Variants in SEMA3A observed in about 807,000 individuals in gnomAD.
The protein encoded by SEMA3A is semaphorin 3A.
Under a neutral mutation model 97.9 loss-of-function variants are expected in SEMA3A, and 29 were observed. The observed-to-expected ratio is 0.30, with a 90% CI of 0.22 to 0.40. The LOEUF (loss-of-function observed/expected upper bound fraction) is 0.40. Among genes scored for constraint, SEMA3A ranks in the 10% least tolerant of loss-of-function variants. The pLI is 1.00. For missense variants in SEMA3A, 763 were observed against 951.3 expected (o/e 0.80, Z 2.60); for synonymous variants, 321 against 323.7 (o/e 0.99, Z 0.09).
chr7:84,138,127 A>G (rs1031731183), intron 1 of SEMA3A, among the ~76,000 whole-genome samples: 5 of 152,210 alleles, frequency 3.3e-5, no homozygotes, highest in African/African-American at 4.8e-5. Flanking sequence ...TCCTGTTTGT[A>G]TAAGTAGAAG....
At chr7:84,073,204 A>G (rs1161414936) in intron 4 of SEMA3A, among the ~76,000 whole-genome samples, 3 of 152,118 alleles carry the variant, frequency 2.0e-5, no homozygotes, top group Admixed American at 6.6e-5. Flanking sequence ...TAGTATATAA[A>G]TAATAGCTTT....
Position 84,393,909 on chromosome 7 carries a change from G to A in SEMA3A, c.-245-22009C>T, listed in dbSNP as rs147718117. 8.7e-4 allele frequency among the ~76,000 whole-genome samples: 132 copies of A among 152,186 alleles called. No individual in the cohort carries two copies. The East Asian group carries it at 0.02, about 23-fold the overall frequency. ...TTGCCCCAAGACAATTTACAGAACA[G>A]CTCATTTTGTAGTCTCTCTTGAAGC... is the stretch of plus-strand genomic sequence containing the variant. On this transcript the variant is annotated intron_variant, in intron 1 of 3. Coordinates refer to the SEMA3A transcript ENST00000424555.
intron 5 of SEMA3A, among the ~76,000 whole-genome samples, chr7:84,048,681 A>T (rs1289934119): frequency 6.6e-6 from 1 of 152,060 alleles, no homozygotes; most frequent in African/African-American, 2.4e-5. Flanking sequence ...AAAAACTAAA[A>T]ATAGAATAAT....
chr7:84,425,707 A>G (rs1804802292), intron 1 of SEMA3A, among the ~76,000 whole-genome samples: 1 of 149,098 alleles, frequency 6.7e-6, no homozygotes, highest in Non-Finnish European at 1.5e-5. Context: ...ATGAAAAAAC[A>G]TTTTGATGTA....
chr7:83,985,269 T>C (rs545506170), intron 13 of SEMA3A, among the ~76,000 whole-genome samples, 167 bp downstream of exon 13: 202 of 152,280 alleles, frequency 1.3e-3, no homozygotes, highest in Non-Finnish European at 2.3e-3. Flanking sequence ...ATGAAAACTA[T>C]CTTCAGTTTC....
intron 1 of SEMA3A, among the ~76,000 whole-genome samples, chr7:84,437,002 A>G (rs961084027): frequency 6.6e-6 from 1 of 152,126 alleles, no homozygotes; most frequent in East Asian, 1.9e-4. Flanking sequence ...CAATGATTCA[A>G]TTCCATGACA....
intron 3 of SEMA3A, among the ~76,000 whole-genome samples, chr7:84,261,097 G>A (rs1799847411): frequency 6.6e-6 from 1 of 152,146 alleles, no homozygotes; most frequent in Non-Finnish European, 1.5e-5. Context: ...CCCAATCTGG[G>A]TCTCTTCAAC....
intron 1 of SEMA3A, among the ~76,000 whole-genome samples, chr7:84,476,609 A>T (rs1300663955): frequency 6.6e-6 from 1 of 152,102 alleles, no homozygotes; most frequent in African/African-American, 2.4e-5. Context: ...TAAATACTGA[A>T]TGTATTGTGT....
intron 1 of SEMA3A, among the ~76,000 whole-genome samples, chr7:84,443,474 T>C (rs575930346): frequency 6.6e-6 from 1 of 152,056 alleles, no homozygotes; most frequent in South Asian, 2.1e-4. Context: ...ACTTTATTAA[T>C]GGAAAAAAGA....
intron 1 of SEMA3A, among the ~76,000 whole-genome samples, chr7:84,162,639 G>A (rs976969697): frequency 6.6e-6 from 1 of 151,908 alleles, no homozygotes; most frequent in African/African-American, 2.4e-5. Flanking sequence ...CAAAACACAA[G>A]TAGCAGCTCA....
intron 1 of SEMA3A, among the ~76,000 whole-genome samples, chr7:84,399,154 C>A (rs1348199161): frequency 6.6e-6 from 1 of 152,142 alleles, no homozygotes; most frequent in Non-Finnish European, 1.5e-5. Context: ...TGGGATTATG[C>A]ATTGGAACTC....
intron 1 of SEMA3A, among the ~76,000 whole-genome samples, chr7:84,435,504 T>G (rs1584323533): frequency 6.6e-6 from 1 of 151,886 alleles, no homozygotes; most frequent in Admixed American, 6.6e-5. Flanking sequence ...GCTACTCGGG[T>G]GGTTGAGGCA....
intron 1 of SEMA3A, among the ~76,000 whole-genome samples, chr7:84,479,600 G>A (rs1001331144): frequency 2.0e-5 from 3 of 152,128 alleles, no homozygotes; most frequent in Non-Finnish European, 4.4e-5. Flanking sequence ...ATAGAATTCA[G>A]AGGAGGTAAA....
Position 83,977,821 on chromosome 7 carries a change from T to C in SEMA3A, c.1653-625A>G, listed in dbSNP as rs549786074. Among the ~76,000 whole-genome samples the C allele has an allele frequency of 3.9e-3, 594 of 150,390 alleles. 4 individuals carry two copies. Among genetic ancestry groups the C allele is most frequent in the Non-Finnish European group, 6.7e-3 (453 of 67,508 alleles). On this transcript the variant is annotated intron_variant, in intron 14 of 16. Coordinates refer to ENST00000265362, the MANE Select transcript of SEMA3A (RefSeq NM_006080.3). ...TTTTCTTTCTTTCTTTTTTTTTTTTTGAGACAGAATCTCGCTCTGTCGCCC... is the reference window on the plus strand; with the variant it reads ...TTTTCTTTCTTTCTTTTTTTTTTTTCGAGACAGAATCTCGCTCTGTCGCCC...
intron 3 of SEMA3A, among the ~76,000 whole-genome samples, chr7:84,306,190 G>A (rs1257098577): frequency 1.3e-5 from 2 of 151,520 alleles, no homozygotes; most frequent in East Asian, 3.9e-4. Context: ...GTATGTAAAT[G>A]ATATTTCCAT....
intron 9 of SEMA3A, among the ~76,000 whole-genome samples, chr7:84,008,895 A>G (rs1790773568): frequency 6.6e-6 from 1 of 152,174 alleles, no homozygotes; most frequent in Admixed American, 6.5e-5. Flanking sequence ...TTGATACATC[A>G]CACTTTGTAA....
At chr7:83,975,476 A>G (rs576342396) in intron 15 of SEMA3A, among the ~76,000 whole-genome samples, 51 of 152,284 alleles carry the variant, frequency 3.3e-4, no homozygotes, top group African/African-American at 1.2e-3. Context: ...TTTTACAAAA[A>G]TCAAAAAGTG....
At chr7:84,091,208 GAAAGAA>G (rs1380388364) in intron 4 of SEMA3A, among the ~76,000 whole-genome samples, 1 of 69,218 alleles carries the variant, frequency 1.4e-5, no homozygotes, top group African/African-American at 4.9e-5. Context: ...AAGAAAGAAA[GAAAGAA>G]AAGAAAAGAA....
At chr7:84,158,697 A>G (rs1796932347) in intron 1 of SEMA3A, among the ~76,000 whole-genome samples, 1 of 152,200 alleles carries the variant, frequency 6.6e-6, no homozygotes, top group South Asian at 2.1e-4. Flanking sequence ...TGCCTGGCAC[A>G]CTGTCAGTGC....
Sources: allele counts gnomAD v4.1 joint callset (sites outside exome capture counted in the v4.1 genomes callset), GRCh38; gene constraint gnomAD v4.1.1; transcripts MANE v1.5; gene names NCBI Gene and HGNC (gene_info 2026-07-23, HGNC 2026-07-21).